Variants in LRP1B observed in about 807,000 individuals in gnomAD.
LRP1B encodes the protein LDL receptor related protein 1B.
In LRP1B, 217 loss-of-function variants were observed where a neutral mutation model predicts 556.6. The observed-to-expected ratio is 0.39, with a 90% confidence interval of 0.35 to 0.44. LRP1B has a LOEUF of 0.44. Ranked by LOEUF, LRP1B falls within the 20% of genes least tolerant of loss-of-function variation. The probability of loss-of-function intolerance (pLI) is 1.00; values close to 1 mark genes in which losing one functional copy is unlikely to be tolerated. For synonymous variants in LRP1B, 2,047 were observed against 1,865.8 expected, an observed-to-expected ratio of 1.10 and a Z score of -2.50; for missense variants, 5,053 against 5,620.8, an observed-to-expected ratio of 0.90 and a Z score of 3.23.
At chr2:141,676,658 T>C (rs1019652086) in intron 2 of LRP1B, among the ~76,000 whole-genome samples, 1 of 152,206 alleles carries the variant, frequency 6.6e-6, no homozygotes, top group African/African-American at 2.4e-5. Context: ...GAGGTGCAAA[T>C]GATCTTGGAC....
At chr2:141,253,100 G>A (rs537459833) in intron 4 of LRP1B, among the ~76,000 whole-genome samples, 7 of 152,290 alleles carry the variant, frequency 4.6e-5, no homozygotes, top group Non-Finnish European at 1.0e-4. Flanking sequence ...AAATGAGTGA[G>A]AAGAATGCAG....
In LRP1B at chr2:141,782,706, C is replaced by T. The variant is rs113887537; in HGVS notation, c.205+27573G>A. Among the ~76,000 whole-genome samples the T allele has an allele frequency of 2.2e-3, 338 of 151,996 alleles. 2 individuals are homozygous for T. The highest frequency in any genetic ancestry group is 3.7e-3 in the Non-Finnish European group (251 of 67,944). On this transcript the variant is annotated intron_variant, in intron 2 of 90. Coordinates refer to ENST00000389484, the MANE Select transcript of LRP1B (RefSeq NM_018557.3). The stretch of plus-strand genomic sequence containing the variant: ...GTAAAATTACTAAAAACAAACATAA[C>T]ATATGTTCATGATCATTGAGCATAT...
At chr2:141,485,221 C>A (rs4491668) in intron 2 of LRP1B, among the ~76,000 whole-genome samples, 127,142 of 152,030 alleles carry the variant, frequency 0.84, 54,068 homozygotes, top group East Asian at 0.93. Flanking sequence ...ATACTCTTGT[C>A]TTGGTTGCCA....
intron 1 of LRP1B, among the ~76,000 whole-genome samples, chr2:141,920,293 A>C (rs200900667): frequency 4.6e-5 from 5 of 109,346 alleles, no homozygotes; most frequent in East Asian, 3.5e-4. Context: ...GGGGGGTGGT[A>C]GGGATAATCA....
intron 3 of LRP1B, among the ~76,000 whole-genome samples, chr2:141,457,932 A>G (rs1681694070): frequency 6.6e-6 from 1 of 152,226 alleles, no homozygotes; most frequent in Non-Finnish European, 1.5e-5. Context: ...GTAATTCAGG[A>G]GACACTGTAG....
At position 141,096,679 on chromosome 2, in the gene LRP1B, A is replaced by AGAGAGAGAGG. The variant is rs1553459413; in HGVS notation, c.1014-34407_1014-34406insCCTCTCTCTC. ...GAGAGAGAGAGAGAGAGAGAGAGAG[A>AGAGAGAGAGG]GAGAGAGAGAGAAAATAAATAAATA... is the stretch of plus-strand genomic sequence containing the variant. On this transcript the variant is annotated intron_variant, in intron 7 of 90. Coordinates refer to ENST00000389484, the MANE Select transcript of LRP1B (RefSeq NM_018557.3). Among the ~76,000 whole-genome samples, 1,140 of 88,480 alleles carry AGAGAGAGAGG rather than the reference A, an allele frequency of 0.013. 177 individuals are homozygous for AGAGAGAGAGG. In the East Asian group the frequency reaches 0.13, roughly 10 times the overall value. 58.0% of individuals were successfully genotyped at this position (88,480 alleles called of 152,430 possible).
chr2:141,137,529 A>G (rs950640793), intron 7 of LRP1B, among the ~76,000 whole-genome samples: 3 of 151,970 alleles, frequency 2.0e-5, no homozygotes, highest in African/African-American at 7.2e-5. Flanking sequence ...TGAAGCATGT[A>G]TACACTGTGA....
At chr2:141,719,498 A>G (rs1023170442) in intron 2 of LRP1B, among the ~76,000 whole-genome samples, 1 of 152,148 alleles carries the variant, frequency 6.6e-6, no homozygotes, top group Non-Finnish European at 1.5e-5. Flanking sequence ...CCACTCATAA[A>G]AGGTTAATGA....
At chr2:141,688,519 G>C (rs1278747998) in intron 2 of LRP1B, among the ~76,000 whole-genome samples, 1 of 151,896 alleles carries the variant, frequency 6.6e-6, no homozygotes, top group East Asian at 1.9e-4. Context: ...AGTCAAGCAA[G>C]TTGGGGCCAG....
intron 30 of LRP1B, among the ~76,000 whole-genome samples, 168 bp downstream of exon 30, chr2:140,840,750 A>G (rs1692075794): frequency 6.6e-6 from 1 of 152,206 alleles, no homozygotes; most frequent in Non-Finnish European, 1.5e-5. Context: ...ATCTACAGAT[A>G]ATAAAACTCT....
chr2:141,250,265 G>T (rs1573711417), intron 4 of LRP1B, among the ~76,000 whole-genome samples: 1 of 152,176 alleles, frequency 6.6e-6, no homozygotes, highest in South Asian at 2.1e-4. Context: ...TCAGGGTGGG[G>T]CCCCTAGGTA....
At chr2:141,725,846 G>GA (rs145173290) in intron 2 of LRP1B, among the ~76,000 whole-genome samples, 47,046 of 148,642 alleles carry the variant, frequency 0.32, 7,725 homozygotes, top group East Asian at 0.59. Context: ...TGATAATTTT[G>GA]AAAAAAAAAA....
chr2:140,590,917 G>T (rs967645987), intron 43 of LRP1B, among the ~76,000 whole-genome samples: 1 of 151,896 alleles, frequency 6.6e-6, no homozygotes, highest in African/African-American at 2.4e-5. Context: ...ATCTCCCCAT[G>T]GAAAAATATG....
At chr2:141,537,803 C>T (rs1344161504) in intron 2 of LRP1B, among the ~76,000 whole-genome samples, 1 of 151,972 alleles carries the variant, frequency 6.6e-6, no homozygotes, top group Non-Finnish European at 1.5e-5. Context: ...ATTCCAGGAC[C>T]TCATTTATCT....
At chr2:140,588,691 T>G (rs1302275413) in intron 43 of LRP1B, among the ~76,000 whole-genome samples, 1 of 151,766 alleles carries the variant, frequency 6.6e-6, no homozygotes, top group Non-Finnish European at 1.5e-5. Context: ...TCCAGCTGGG[T>G]GCATTGGCTC....
chr2:141,781,915 T>C (rs1193779086), intron 2 of LRP1B, among the ~76,000 whole-genome samples: 1 of 152,150 alleles, frequency 6.6e-6, no homozygotes, highest in Non-Finnish European at 1.5e-5. Flanking sequence ...TAAAGCGTTT[T>C]CCCACAAATC....
chr2:140,947,757 C>G (rs776399958), intron 20 of LRP1B, among the ~76,000 whole-genome samples: 1 of 152,270 alleles, frequency 6.6e-6, no homozygotes, highest in Admixed American at 6.5e-5. Flanking sequence ...GTATTCACCA[C>G]GTAGAATATT....
At chr2:141,533,859 C>G (rs1416471777) in intron 2 of LRP1B, among the ~76,000 whole-genome samples, 1 of 152,118 alleles carries the variant, frequency 6.6e-6, no homozygotes, top group Non-Finnish European at 1.5e-5. Flanking sequence ...GCCAAGTAAA[C>G]AGATTTGATG....
intron 60 of LRP1B, among the ~76,000 whole-genome samples, chr2:140,471,115 G>A (rs1687750460): frequency 4.6e-5 from 7 of 152,158 alleles, no homozygotes; most frequent in Admixed American, 4.6e-4. Flanking sequence ...GTATAACAGT[G>A]TATTTAAAAA....
Sources: allele counts gnomAD v4.1 joint callset (sites outside exome capture counted in the v4.1 genomes callset), GRCh38; gene constraint gnomAD v4.1.1; transcripts MANE v1.5; gene names NCBI Gene and HGNC (gene_info 2026-07-23, HGNC 2026-07-21).